OTUD3: variants seen among roughly 807,000 people sequenced by gnomAD.
OTUD3 encodes OTU deubiquitinase 3.
A neutral mutation model predicts 46.2 loss-of-function variants in OTUD3; 24 were observed. The observed-to-expected ratio is 0.52, with a 90% CI of 0.38 to 0.73. The LOEUF (loss-of-function observed/expected upper bound fraction) is 0.73. Ranked by LOEUF, OTUD3 falls within the 30% of genes least tolerant of loss-of-function variation. The probability of loss-of-function intolerance (pLI) is 0.00; values close to 1 mark genes in which losing one functional copy is unlikely to be tolerated. For missense variants in OTUD3, 455 were observed against 523.3 expected (o/e 0.87, Z 1.27); for synonymous variants, 189 against 195.4 (o/e 0.97, Z 0.27).
chr1:19,886,668 T>TTAGA (rs1338618359), intron 1 of OTUD3, among the ~76,000 whole-genome samples: 1 of 152,232 alleles, frequency 6.6e-6, no homozygotes, highest in Non-Finnish European at 1.5e-5. Flanking sequence ...AGTGACTGAT[T>TTAGA]TAGAGTCTAG....
At chr1:19,893,655 A>G (rs2100273313) in intron 2 of OTUD3, among the ~76,000 whole-genome samples, 1 of 152,346 alleles carries the variant, frequency 6.6e-6, no homozygotes, top group South Asian at 2.1e-4. Context: ...CCCGTCATGA[A>G]TAACAGACAC....
At chr1:19,890,707 G>T (rs1353369183) in intron 2 of OTUD3, among the ~76,000 whole-genome samples, 174 bp downstream of exon 2, 1 of 152,162 alleles carries the variant, frequency 6.6e-6, no homozygotes, top group Non-Finnish European at 1.5e-5. Flanking sequence ...GGTAGTTGGG[G>T]ATCAGTAGGT....
rs1277758438 is a variant in OTUD3 at position 19,910,650 on chromosome 1, A to G, written c.*2904A>G. 2 of 152,398 alleles carry G rather than the reference A, an allele frequency of 1.3e-5. No individual in the cohort carries two copies. Among genetic ancestry groups the G allele is most frequent in the Admixed American group, 1.3e-4 (2 of 15,290 alleles). The allele number at this position is 152,398 out of a possible 1,614,324, so 9.4% of individuals were successfully genotyped here. On this transcript the variant is annotated 3_prime_UTR_variant, in exon 8 of 8. Coordinates refer to ENST00000375120, the MANE Select transcript of OTUD3 (RefSeq NM_015207.2). ...AGTCGAAGTTGTCTGTAGTTTCTTTATTAAGCTCTGAAAACACTTCCAATG... is the reference window on the plus strand; with the variant it reads ...AGTCGAAGTTGTCTGTAGTTTCTTTGTTAAGCTCTGAAAACACTTCCAATG...
At chr1:19,898,901 C>T (rs576385130) in intron 4 of OTUD3, among the ~76,000 whole-genome samples, 4 of 152,226 alleles carry the variant, frequency 2.6e-5, no homozygotes, top group South Asian at 2.1e-4. Context: ...GGCTTGTCTA[C>T]GTGGACTCCA....
chr1:19,904,915 C>T lies in OTUD3; in HGVS notation c.763C>T (p.Leu255=), dbSNP rs375276384. ...CSDFNLIVQN[L]EAENYNIESA... The stretch of plus-strand genomic sequence containing the variant: ...GGATTTTAATTTAATAGTCCAGAAC[C>T]TGGAAGCTGAAAATTATAATATTGA... Residue 255 remains leucine (L), a synonymous_variant, in exon 6 of 8, where the codon CTG becomes TTG. Coordinates refer to ENST00000375120, the MANE Select transcript of OTUD3 (RefSeq NM_015207.2). The T allele has an allele frequency of 1.8e-5, 28 of 1,586,272 alleles. No homozygotes were observed. In the African/African-American group the frequency reaches 3.1e-4, roughly 18 times the overall value.
intron 4 of OTUD3, among the ~76,000 whole-genome samples, chr1:19,902,388 G>A (rs915358126): frequency 1.1e-4 from 16 of 152,084 alleles, no homozygotes; most frequent in Admixed American, 3.9e-4. Context: ...TGTGTTTTTA[G>A]TGGAGACAGG....
In OTUD3 at chr1:19,897,634, C is replaced by CA. The variant is rs2045535082; in HGVS notation, c.579dup (p.Glu194ArgfsTer17). On this transcript the variant is annotated frameshift_variant, in exon 4 of 8. Coordinates refer to ENST00000375120, the MANE Select transcript of OTUD3 (RefSeq NM_015207.2). LOFTEE classifies it high-confidence loss of function. Reference sequence around the variant, plus strand: ...AGTGTTCGGAGGATCAATGACAACTCAGAGGCACCTGCACATCTCCAGACG... The same window carrying CA: ...AGTGTTCGGAGGATCAATGACAACTCAAGAGGCACCTGCACATCTCCAGACG... 1 of 1,614,032 alleles carries CA rather than the reference C, an allele frequency of 6.2e-7. No individual in the cohort carries two copies. Among genetic ancestry groups the CA allele is most frequent in the South Asian group, 1.1e-5 (1 of 91,076 alleles).
chr1:19,892,602 C>A (rs1181826061), intron 2 of OTUD3, among the ~76,000 whole-genome samples: 1 of 152,164 alleles, frequency 6.6e-6, no homozygotes, highest in Non-Finnish European at 1.5e-5. Flanking sequence ...CAGGTCAGAA[C>A]CTGAGTATTC....
At chr1:19,905,050 T>G (rs1198554335) in intron 6 of OTUD3, 63 bp downstream of exon 6, 1 of 957,784 alleles carries the variant, frequency 1.0e-6, no homozygotes, top group Non-Finnish European at 1.6e-6. Context: ...TTCCAAATAT[T>G]TATTTTTTAA....
intron 1 of OTUD3, among the ~76,000 whole-genome samples, chr1:19,889,927 G>A (rs916654734): frequency 9.2e-5 from 14 of 152,178 alleles, no homozygotes; most frequent in African/African-American, 3.4e-4. Context: ...GGTACTATTT[G>A]TTAAATGAAT....
chr1:19,906,882 T>C, intron 7 of OTUD3: 1 of 290,244 alleles, frequency 3.4e-6, no homozygotes, highest in Non-Finnish European at 6.5e-6. Flanking sequence ...CTAACATTAC[T>C]GTACATGTGG....
chr1:19,897,460 AGCAGTCCAGGTGGGT>A (rs1294403737), intron 3 of OTUD3, 65 bp from the exon 4 acceptor site: 1 of 1,483,974 alleles, frequency 6.7e-7, no homozygotes, highest in East Asian at 2.3e-5. Flanking sequence ...GGGCTTCCTC[AGCAGTCCAGGTGGGT>A]GTTTCTCTCC....
Position 19,882,453 on chromosome 1 carries a change from G to A in OTUD3, c.-61G>A, listed in dbSNP as rs1236195081. 1 of 1,321,854 alleles carries A rather than the reference G, an allele frequency of 7.6e-7. No individual in the cohort carries two copies. Among genetic ancestry groups the A allele is most frequent in the Non-Finnish European group, 9.6e-7 (1 of 1,041,184 alleles). The allele number at this position is 1,321,854 out of a possible 1,614,324, so 81.9% of individuals were successfully genotyped here. A position where few individuals can be genotyped will look rare whatever the true frequency, so the allele number is the denominator to read the frequency against. ...GCTGTTTTACCTTCCCAACGCTTGA[G>A]GCGGACGCTGGGGGGTCCTGCGCCT... is the stretch of plus-strand genomic sequence containing the variant. On this transcript the variant is annotated 5_prime_UTR_variant, in exon 1 of 8. Coordinates refer to ENST00000375120, the MANE Select transcript of OTUD3 (RefSeq NM_015207.2).
chr1:19,887,583 A>G (rs1158033836), intron 1 of OTUD3, among the ~76,000 whole-genome samples: 2 of 152,122 alleles, frequency 1.3e-5, no homozygotes, highest in African/African-American at 4.8e-5. Context: ...TATATAGTCT[A>G]CCTCCGTAGA....
intron 4 of OTUD3, 102 bp downstream of exon 4, chr1:19,897,764 T>C (rs1425111087): frequency 7.9e-7 from 1 of 1,272,198 alleles, no homozygotes; most frequent in African/African-American, 1.5e-5. Flanking sequence ...TTGTAGAAAG[T>C]TGGCATTGAG....
In OTUD3 at chr1:19,911,065, G is replaced by A. The variant is rs2045727386; in HGVS notation, c.*3319G>A. On this transcript the variant is annotated 3_prime_UTR_variant, in exon 8 of 8. Coordinates refer to ENST00000375120, the MANE Select transcript of OTUD3 (RefSeq NM_015207.2). ...TGAAGGAAACTTGGATTCCTAGTCA[G>A]AGGTGACTAAAAGTTACCCTGACCA... 6.6e-6 allele frequency: 1 copy of A among 152,322 alleles called. No individual in the cohort carries two copies. The highest frequency in any genetic ancestry group is 2.4e-5 in the African/African-American group (1 of 41,440). The allele number at this position is 152,322 out of a possible 1,614,324, so 9.4% of individuals were successfully genotyped here.
chr1:19,892,846 C>T (rs1317781159), intron 2 of OTUD3, among the ~76,000 whole-genome samples: 1 of 152,116 alleles, frequency 6.6e-6, no homozygotes, highest in Non-Finnish European at 1.5e-5. Context: ...CTGTTGATGA[C>T]TCATCTATTG....
rs1364915303 is a variant in OTUD3 at position 19,912,438 on chromosome 1, A to ATTAG, written c.*4692_*4693insTTAG. ...TCTTCCAGAGCCTCCACCAGCACTA[A>ATTAG]GCTCAGAGGAAAGAAGAAAAGGGCC... On this transcript the variant is annotated 3_prime_UTR_variant, in exon 8 of 8. Coordinates refer to ENST00000375120, the MANE Select transcript of OTUD3 (RefSeq NM_015207.2). 6.5e-6 allele frequency: 1 copy of ATTAG among 152,980 alleles called. No homozygotes were observed. The highest frequency in any genetic ancestry group is 1.5e-5 in the Non-Finnish European group (1 of 68,128). The allele number at this position is 152,980 out of a possible 1,614,324, so 9.5% of individuals were successfully genotyped here.
At chr1:19,897,947 CTTT>C (rs535971585) in intron 4 of OTUD3, 37 of 161,560 alleles carry the variant, frequency 2.3e-4, no homozygotes, top group East Asian at 5.0e-4. Context: ...TAATCCACAC[CTTT>C]TTTTTTTTTT....
Sources: allele counts gnomAD v4.1 joint callset (sites outside exome capture counted in the v4.1 genomes callset), GRCh38; gene constraint gnomAD v4.1.1; transcripts MANE v1.5; gene names NCBI Gene and HGNC (gene_info 2026-07-23, HGNC 2026-07-21).